The following FGF14 variants were observed in gnomAD, a reference collection of about 807,000 sequenced individuals.
FGF14 encodes the protein fibroblast growth factor homologous factor 4.
A neutral mutation model predicts 25.5 loss-of-function variants in FGF14; 5 were observed. The observed-to-expected ratio is 0.20, with a 90% confidence interval of 0.10 to 0.41. FGF14 has a LOEUF of 0.41. Ranked by LOEUF, FGF14 falls within the 10% of genes least tolerant of loss-of-function variation. FGF14 has a pLI of 1.00. For synonymous variants in FGF14, 138 were observed against 118.3 expected, an observed-to-expected ratio of 1.17 and a Z score of -1.08; for missense variants, 222 against 320.1, an observed-to-expected ratio of 0.69 and a Z score of 2.34.
intron 1 of FGF14, among the ~76,000 whole-genome samples, chr13:101,999,156 TCATTTTA>T (rs1354253541): frequency 2.0e-5 from 3 of 152,224 alleles, no homozygotes; most frequent in African/African-American, 7.2e-5. Context: ...GTCACAGTAC[TCATTTTA>T]TAATTTAACA....
At chr13:101,938,934 C>T (rs938501341) in intron 1 of FGF14, among the ~76,000 whole-genome samples, 1 of 152,182 alleles carries the variant, frequency 6.6e-6, no homozygotes, top group Non-Finnish European at 1.5e-5. Context: ...TTGATAATAT[C>T]CGAAGACATT....
chr13:101,920,474 C>T (rs2033917632), upstream of FGF14, among the ~76,000 whole-genome samples: 1 of 152,102 alleles, frequency 6.6e-6, no homozygotes, highest in South Asian at 2.1e-4. Context: ...AACAGAGCCT[C>T]CTTTTCAACT....
At chr13:101,757,029 T>C (rs955478886) in intron 3 of FGF14, among the ~76,000 whole-genome samples, 15 of 152,214 alleles carry the variant, frequency 9.9e-5, no homozygotes, top group Non-Finnish European at 7.3e-5. Context: ...AACTCTGATA[T>C]CAAACCGAGA....
At chr13:101,975,664 C>T (rs1392746631) in intron 1 of FGF14, among the ~76,000 whole-genome samples, 7 of 152,172 alleles carry the variant, frequency 4.6e-5, no homozygotes, top group African/African-American at 1.7e-4. Flanking sequence ...TCATCTACCA[C>T]ATTTCTTGCA....
At chr13:101,938,118 C>T (rs1056261869) in intron 1 of FGF14, among the ~76,000 whole-genome samples, 2 of 152,332 alleles carry the variant, frequency 1.3e-5, no homozygotes, top group African/African-American at 4.8e-5. Flanking sequence ...CTGCCAGCCA[C>T]GTGCTGCCTG....
intron 1 of FGF14, among the ~76,000 whole-genome samples, chr13:101,992,194 C>T (rs1018803543): frequency 2.0e-5 from 3 of 152,080 alleles, no homozygotes; most frequent in Admixed American, 6.6e-5. Context: ...GAAAGAACTA[C>T]AAGCCTCAGA....
chr13:101,946,186 C>A (rs899715945), intron 1 of FGF14, among the ~76,000 whole-genome samples: 1 of 151,890 alleles, frequency 6.6e-6, no homozygotes, highest in East Asian at 1.9e-4. Flanking sequence ...AAAGGGCAGT[C>A]TTCCCCTTTT....
At chr13:102,096,004 T>TATAC (rs2140265167) in intron 1 of FGF14, among the ~76,000 whole-genome samples, 1 of 126,320 alleles carries the variant, frequency 7.9e-6, no homozygotes, top group South Asian at 2.3e-4. Flanking sequence ...TGTGTGTGTA[T>TATAC]ATATATATAT....
At chr13:102,051,874 C>A (rs1040368989) in intron 1 of FGF14, among the ~76,000 whole-genome samples, 6 of 152,106 alleles carry the variant, frequency 3.9e-5, no homozygotes, top group African/African-American at 1.4e-4. Context: ...AGAGACATAA[C>A]ACCACCAAAA....
intron 1 of FGF14, among the ~76,000 whole-genome samples, chr13:101,995,620 G>A (rs371552341): frequency 4.6e-5 from 7 of 151,954 alleles, no homozygotes; most frequent in Middle Eastern, 3.4e-3. Context: ...GAGGGATAAC[G>A]TATAAGCCAA....
intron 1 of FGF14, among the ~76,000 whole-genome samples, chr13:102,100,709 T>C (rs546464997): frequency 1.3e-5 from 2 of 152,356 alleles, no homozygotes; most frequent in East Asian, 3.9e-4. Context: ...GCCACTATAC[T>C]GGATACCTTA....
Position 101,722,800 on chromosome 13 carries a change from C to A in FGF14, c.*31G>T. 6.2e-7 allele frequency: 1 copy of A among 1,612,754 alleles called. No individual in the cohort carries two copies. The highest frequency in any genetic ancestry group is 2.2e-5 in the East Asian group (1 of 44,846). ...ATAAATCACTCAACTGTGCTCAGGA[C>A]GAATAAGTCACAACACCTGTGAGGA... On this transcript the variant is annotated 3_prime_UTR_variant, in exon 5 of 5. Transcript: ENST00000376143.
At chr13:101,758,530 A>G (rs1359838503) in intron 3 of FGF14, among the ~76,000 whole-genome samples, 1 of 152,192 alleles carries the variant, frequency 6.6e-6, no homozygotes, top group Non-Finnish European at 1.5e-5. Flanking sequence ...CTGCCCTTGT[A>G]GAGCATAACA....
intron 1 of FGF14, among the ~76,000 whole-genome samples, chr13:102,059,938 AGAAT>A (rs1372944585): frequency 6.6e-6 from 1 of 152,206 alleles, no homozygotes; most frequent in East Asian, 1.9e-4. Context: ...AAGATTAAAA[AGAAT>A]GAATAAATTG....
intron 1 of FGF14, among the ~76,000 whole-genome samples, chr13:102,012,684 A>G (rs969805446): frequency 1.3e-5 from 2 of 152,172 alleles, no homozygotes; most frequent in Non-Finnish European, 2.9e-5. Flanking sequence ...TAATATCTTG[A>G]GTTTTTGGAG....
chr13:101,987,251 G>T (rs1039032937), intron 1 of FGF14, among the ~76,000 whole-genome samples: 4 of 151,962 alleles, frequency 2.6e-5, no homozygotes, highest in African/African-American at 7.3e-5. Flanking sequence ...TTCTCACTAT[G>T]ACAGCTACTG....
chr13:102,139,318 C>G (rs986914271), intron 1 of FGF14, among the ~76,000 whole-genome samples: 1 of 151,816 alleles, frequency 6.6e-6, no homozygotes, highest in Admixed American at 6.6e-5. Context: ...AAAAATCACT[C>G]GAACCCAGGA....
chr13:102,133,869 G>T (rs889429060), intron 1 of FGF14, among the ~76,000 whole-genome samples: 1 of 152,150 alleles, frequency 6.6e-6, no homozygotes, highest in African/African-American at 2.4e-5. Context: ...ATGGGGAATG[G>T]ACTATTAACA....
intron 1 of FGF14, among the ~76,000 whole-genome samples, chr13:102,313,308 T>A (rs1473420471): frequency 5.3e-5 from 8 of 152,220 alleles, no homozygotes; most frequent in Non-Finnish European, 1.5e-5. Flanking sequence ...ATTACAATTA[T>A]GTGCCTAGTC....
Sources: gnomAD v4.1 joint callset for allele counts (sites outside exome capture counted in the v4.1 genomes callset) on GRCh38, gnomAD v4.1.1 for gene constraint, MANE v1.5 for transcripts, NCBI Gene and HGNC (gene_info 2026-07-23, HGNC 2026-07-21) for gene names.